Variants in RNF144B observed in about 807,000 individuals in gnomAD.
RNF144B encodes the protein ring finger protein 144B, also known as E3 ubiquitin-protein ligase RNF144B.
Under a neutral mutation model 40.2 loss-of-function variants are expected in RNF144B, and 25 were observed. The observed-to-expected ratio is 0.62, with a 90% CI of 0.45 to 0.87. The LOEUF (loss-of-function observed/expected upper bound fraction) is 0.87. RNF144B is among the 40% of genes least tolerant of loss of function. RNF144B has a pLI of 0.00. For missense variants in RNF144B, 365 were observed against 373.7 expected, an observed-to-expected ratio of 0.98 and a Z score of 0.19; for synonymous variants, 145 against 136.3, an observed-to-expected ratio of 1.06 and a Z score of -0.44.
At chr6:18,433,913 G>T (rs985806397) in intron 3 of RNF144B, among the ~76,000 whole-genome samples, 1 of 152,152 alleles carries the variant, frequency 6.6e-6, no homozygotes, top group African/African-American at 2.4e-5. Flanking sequence ...ATTAGACATT[G>T]ATCCGCACAG....
Position 18,418,988 on chromosome 6 carries a change from G to A in RNF144B, c.166-8593G>A, listed in dbSNP as rs372860297. On this transcript the variant is annotated intron_variant, in intron 2 of 7. Transcript: ENST00000259939. This position sits in a 1 kb window ranked among gnomAD's most constrained non-coding sequence, Gnocchi z 5.2. ...ATGGGTCTTGGTACTTACAAGTGTG[G>A]TTTGTGTGCCAGTGGCACCAACGAG... Among the ~76,000 whole-genome samples, 79 of 152,180 alleles carry A rather than the reference G, an allele frequency of 5.2e-4. 1 individual carries two copies. In the South Asian group the frequency reaches 0.016, roughly 30 times the overall value.
chr6:18,432,973 A>G (rs1274281450), intron 3 of RNF144B, among the ~76,000 whole-genome samples: 2 of 152,192 alleles, frequency 1.3e-5, no homozygotes, highest in East Asian at 3.9e-4. Context: ...GGGTGGAGGT[A>G]TGGTGGAGGA....
chr6:18,406,545 C>G lies in RNF144B; in HGVS notation c.165+6846C>G, dbSNP rs1302309511. Among the ~76,000 whole-genome samples, 1 of 150,658 alleles carries G rather than the reference C, an allele frequency of 6.6e-6. No homozygotes were observed. The highest frequency in any genetic ancestry group is 1.5e-5 in the Non-Finnish European group (1 of 67,830). On this transcript the variant is annotated intron_variant, in intron 2 of 7. Coordinates refer to ENST00000259939, the MANE Select transcript of RNF144B (RefSeq NM_182757.4). The surrounding 1 kb of genome is among the most constrained non-coding windows in gnomAD (Gnocchi z 4.2). ...TGAAGGCTAAGTCCCATGATCTTCTCTCTGCAAGCTGGAGACCCAGGAGAA... is the reference window on the plus strand; with the variant it reads ...TGAAGGCTAAGTCCCATGATCTTCTGTCTGCAAGCTGGAGACCCAGGAGAA...
chr6:18,413,702 A>C (rs1156923734), intron 2 of RNF144B, among the ~76,000 whole-genome samples: 1 of 152,220 alleles, frequency 6.6e-6, no homozygotes, highest in Non-Finnish European at 1.5e-5. Flanking sequence ...TGGTGTTCTT[A>C]AGAGGACCTC....
rs1271723956 is a variant in RNF144B, at chr6:18,468,855, A to AGGT, written c.*3788_*3789insGGT. The AGGT allele has an allele frequency of 6.6e-6, 1 of 152,222 alleles. No individual in the cohort carries two copies. Among genetic ancestry groups the AGGT allele is most frequent in the Non-Finnish European group, 1.5e-5 (1 of 68,050 alleles). 9.4% of individuals were successfully genotyped at this position (152,222 alleles called of 1,614,324 possible). ...GCTGTTTAGGCTCTCTAGCCACAATAAATGTAAGCAGGAAATCAAGTGTGT... is the reference window on the plus strand; with the variant it reads ...GCTGTTTAGGCTCTCTAGCCACAATAGGTAATGTAAGCAGGAAATCAAGTGTGT... On this transcript the variant is annotated 3_prime_UTR_variant, in exon 8 of 8. Transcript: ENST00000259939.
At chr6:18,420,837 A>G (rs1346524102) in intron 2 of RNF144B, among the ~76,000 whole-genome samples, 1 of 152,172 alleles carries the variant, frequency 6.6e-6, no homozygotes, top group Non-Finnish European at 1.5e-5. Flanking sequence ...AATTTCCTTT[A>G]TTAGAGTCTT....
chr6:18,453,630 A>G (rs988524272), intron 4 of RNF144B, among the ~76,000 whole-genome samples: 3 of 152,186 alleles, frequency 2.0e-5, no homozygotes, highest in Admixed American at 6.5e-5. Flanking sequence ...AGGTGTATCA[A>G]TTTTTATTGT....
At chr6:18,394,670 G>A (rs1185736725) in intron 1 of RNF144B, among the ~76,000 whole-genome samples, 1 of 151,660 alleles carries the variant, frequency 6.6e-6, no homozygotes, top group Non-Finnish European at 1.5e-5. Context: ...TTTTGGAGCA[G>A]ATTGCTTTTT....
At position 18,410,731 on chromosome 6, in the gene RNF144B, G is replaced by T. The variant is rs1398736610; in HGVS notation, c.165+11032G>T. On this transcript the variant is annotated intron_variant, in intron 2 of 7. Coordinates refer to ENST00000259939, the MANE Select transcript of RNF144B (RefSeq NM_182757.4). The surrounding 1 kb of genome is among the most constrained non-coding windows in gnomAD (Gnocchi z 4.6). ...TGGAGCCACTGGAAGGCTTTGTTTGGGAATGAGATAGGGAGGATGGCGTCG... is the reference window on the plus strand; with the variant it reads ...TGGAGCCACTGGAAGGCTTTGTTTGTGAATGAGATAGGGAGGATGGCGTCG... 6.6e-6 allele frequency among the ~76,000 whole-genome samples: 1 copy of T among 152,126 alleles called. No individual in the cohort carries two copies. Among genetic ancestry groups the T allele is most frequent in the African/African-American group, 2.4e-5 (1 of 41,412 alleles).
chr6:18,460,775 C>T lies in RNF144B; in HGVS notation c.681+1024C>T, dbSNP rs968949719. 1.3e-5 allele frequency among the ~76,000 whole-genome samples: 2 copies of T among 152,090 alleles called. No individual in the cohort carries two copies. The highest frequency in any genetic ancestry group is 2.9e-5 in the Non-Finnish European group (2 of 68,024). The stretch of plus-strand genomic sequence containing the variant: ...AGGTGCAGTTTTATTCAGCCCTGTG[C>T]CAAGGCTAATGGTAACTTCAGAGTT... On this transcript the variant is annotated intron_variant, in intron 6 of 7. Transcript: ENST00000259939. This position sits in a 1 kb window ranked among gnomAD's most constrained non-coding sequence, Gnocchi z 4.4.
Position 18,460,437 on chromosome 6 carries a change from T to C in RNF144B, c.681+686T>C, listed in dbSNP as rs1271627440. The stretch of plus-strand genomic sequence containing the variant: ...TCTTAATTTAATCACACTTGCAGAA[T>C]CCCTCTTGTCATATAGGGTAACACA... On this transcript the variant is annotated intron_variant, in intron 6 of 7. Transcript: ENST00000259939. This position sits in a 1 kb window ranked among gnomAD's most constrained non-coding sequence, Gnocchi z 4.4. Among the ~76,000 whole-genome samples, 1 of 152,210 alleles carries C rather than the reference T, an allele frequency of 6.6e-6. No homozygotes were observed. The highest frequency in any genetic ancestry group is 1.5e-5 in the Non-Finnish European group (1 of 68,038).
intron 4 of RNF144B, among the ~76,000 whole-genome samples, chr6:18,449,241 A>T (rs1221029704): frequency 6.6e-6 from 1 of 152,356 alleles, no homozygotes; most frequent in East Asian, 1.9e-4. Context: ...TTCAGATCAA[A>T]ACTATCTGTA....
At position 18,460,630 on chromosome 6, in the gene RNF144B, T is replaced by G. The variant is rs1759430185; in HGVS notation, c.681+879T>G. On this transcript the variant is annotated intron_variant, in intron 6 of 7. Coordinates refer to ENST00000259939, the MANE Select transcript of RNF144B (RefSeq NM_182757.4). The surrounding 1 kb of genome is among the most constrained non-coding windows in gnomAD (Gnocchi z 4.4). ...CTCTCTTGCATGCTCTCACTCGCTC[T>G]CTCTCTCTCTTGTTCATGAGCATGC... 6.6e-6 allele frequency among the ~76,000 whole-genome samples: 1 copy of G among 151,840 alleles called. No individual in the cohort carries two copies. The highest frequency in any genetic ancestry group is 2.4e-5 in the African/African-American group (1 of 41,120).
Position 18,387,556 on chromosome 6 carries a change from C to A in RNF144B, c.-111C>A. On this transcript the variant is annotated 5_prime_UTR_variant, in exon 1 of 8. Coordinates refer to ENST00000259939, the MANE Select transcript of RNF144B (RefSeq NM_182757.4). Reference sequence around the variant, plus strand: ...GAAGAGCTCCTGTCCGGTGTGCCAGCAGCCCGGACTGGCGGTGAGCGCGAG... The same window carrying A: ...GAAGAGCTCCTGTCCGGTGTGCCAGAAGCCCGGACTGGCGGTGAGCGCGAG... The A allele has an allele frequency of 7.5e-7, 1 of 1,329,270 alleles. No homozygotes were observed. The highest frequency in any genetic ancestry group is 9.9e-7 in the Non-Finnish European group (1 of 1,010,898). 82.3% of individuals were successfully genotyped at this position (1,329,270 alleles called of 1,614,324 possible). A position where few individuals can be genotyped will look rare whatever the true frequency, so the allele number is the denominator to read the frequency against.
chr6:18,468,785 A>C lies in RNF144B; in HGVS notation c.*3718A>C, dbSNP rs1436035097. Reference sequence around the variant, plus strand: ...TCCAGGAAGTTTTATGTATTTAAAAAATTGCTATCGTGTTATATTTTTCCA... The same window carrying C: ...TCCAGGAAGTTTTATGTATTTAAAACATTGCTATCGTGTTATATTTTTCCA... On this transcript the variant is annotated 3_prime_UTR_variant, in exon 8 of 8. Coordinates refer to ENST00000259939, the MANE Select transcript of RNF144B (RefSeq NM_182757.4). 1.3e-5 allele frequency: 2 copies of C among 152,214 alleles called. No individual in the cohort carries two copies. Among genetic ancestry groups the C allele is most frequent in the African/African-American group, 4.8e-5 (2 of 41,456 alleles). 9.4% of individuals were successfully genotyped at this position (152,214 alleles called of 1,614,324 possible). A position where few individuals can be genotyped will look rare whatever the true frequency, so the allele number is the denominator to read the frequency against.
rs1435314959 is a variant in RNF144B at position 18,442,623 on chromosome 6, T to C, written c.331+2879T>C. 6.6e-6 allele frequency among the ~76,000 whole-genome samples: 1 copy of C among 152,222 alleles called. No homozygotes were observed. The highest frequency in any genetic ancestry group is 2.4e-5 in the African/African-American group (1 of 41,468). ...AATTCAGTGACATTAATTACATTCATACAGTTGTGCAGCCATCACCACTGC... is the reference window on the plus strand; with the variant it reads ...AATTCAGTGACATTAATTACATTCACACAGTTGTGCAGCCATCACCACTGC... On this transcript the variant is annotated intron_variant, in intron 4 of 7. Coordinates refer to ENST00000259939, the MANE Select transcript of RNF144B (RefSeq NM_182757.4). This position sits in a 1 kb window ranked among gnomAD's most constrained non-coding sequence, Gnocchi z 4.3.
At position 18,457,620 on chromosome 6, in the gene RNF144B, G is replaced by A. The variant is rs988520328; in HGVS notation, c.536+261G>A. ...CTTTCTCTTTAGGTAGTGAGGCACC[G>A]TGGTCTACTGGTTCTCAGTAGGAAA... On this transcript the variant is annotated intron_variant, in intron 5 of 7. Transcript: ENST00000259939. This position sits in a 1 kb window ranked among gnomAD's most constrained non-coding sequence, Gnocchi z 5.1. Among the ~76,000 whole-genome samples, 1 of 152,162 alleles carries A rather than the reference G, an allele frequency of 6.6e-6. No homozygotes were observed. The highest frequency in any genetic ancestry group is 6.5e-5 in the Admixed American group (1 of 15,288).
At chr6:18,463,047 A>G (rs1015025410) in intron 6 of RNF144B, among the ~76,000 whole-genome samples, 1 of 147,290 alleles carries the variant, frequency 6.8e-6, no homozygotes, top group African/African-American at 2.4e-5. Context: ...TAGTCAGGTC[A>G]TTACTACTCT....
At chr6:18,415,813 G>C (rs776275337) in intron 2 of RNF144B, among the ~76,000 whole-genome samples, 7 of 151,616 alleles carry the variant, frequency 4.6e-5, no homozygotes, top group Non-Finnish European at 1.0e-4. Flanking sequence ...GGTTGAAGGG[G>C]TTTCTTGAAC....
Sources: gnomAD v4.1 joint callset for allele counts (sites outside exome capture counted in the v4.1 genomes callset) on GRCh38, gnomAD v4.1.1 for gene constraint, Gnocchi (gnomAD v3.1) non-coding constraint, MANE v1.5 for transcripts, NCBI Gene and HGNC (gene_info 2026-07-23, HGNC 2026-07-21) for gene names.